Variants in NWD2 observed in about 807,000 individuals in gnomAD.
NWD2 encodes the protein NACHT and WD repeat domain-containing protein 2.
NWD2 carries 37 observed loss-of-function variants against 132.7 expected under a neutral mutation model. The observed-to-expected ratio is 0.28, with a 90% confidence interval of 0.21 to 0.37. NWD2 has a LOEUF of 0.37. Ranked by LOEUF, NWD2 falls within the 10% of genes least tolerant of loss-of-function variation. The pLI, the probability that NWD2 is intolerant of heterozygous loss-of-function variation, is 1.00. For missense variants in NWD2, 1,592 were observed against 2,122.4 expected, an observed-to-expected ratio of 0.75 and a Z score of 4.91; for synonymous variants, 705 against 803.0, an observed-to-expected ratio of 0.88 and a Z score of 2.06.
intron 6 of NWD2, among the ~76,000 whole-genome samples, chr4:37,440,817 A>G (rs758019723): frequency 1.3e-5 from 2 of 152,180 alleles, no homozygotes; most frequent in African/African-American, 2.4e-5. Context: ...AACTAGTTCC[A>G]TTATTTTTAA....
chr4:37,378,987 A>C (rs1720401304), intron 3 of NWD2, among the ~76,000 whole-genome samples: 1 of 152,212 alleles, frequency 6.6e-6, no homozygotes, highest in African/African-American at 2.4e-5. Flanking sequence ...ATTGCAGTTC[A>C]CATTTTGTAA....
chr4:37,264,224 A>G (rs1717704455), intron 1 of NWD2, among the ~76,000 whole-genome samples: 1 of 152,210 alleles, frequency 6.6e-6, no homozygotes, highest in Non-Finnish European at 1.5e-5. Context: ...CCTTTCTGAC[A>G]TAATAGAAGA....
chr4:37,417,974 C>G (rs1158340940), intron 3 of NWD2, among the ~76,000 whole-genome samples: 1 of 152,102 alleles, frequency 6.6e-6, no homozygotes, highest in Non-Finnish European at 1.5e-5. Flanking sequence ...TAATTATTTG[C>G]TCCGTCAATA....
chr4:37,305,486 TTTC>T (rs1718694058), intron 1 of NWD2, among the ~76,000 whole-genome samples: 1 of 152,238 alleles, frequency 6.6e-6, no homozygotes, highest in Non-Finnish European at 1.5e-5. Flanking sequence ...TAACTTCCAG[TTTC>T]AGAAAATCTC....
intron 1 of NWD2, among the ~76,000 whole-genome samples, chr4:37,267,372 T>A (rs1401659692): frequency 6.6e-6 from 1 of 151,900 alleles, no homozygotes; most frequent in Non-Finnish European, 1.5e-5. Context: ...GGTAGCAAGA[T>A]GAGAGAAGAG....
intron 1 of NWD2, among the ~76,000 whole-genome samples, chr4:37,248,271 A>G (rs1318860388): frequency 2.0e-5 from 3 of 152,228 alleles, no homozygotes; most frequent in African/African-American, 7.2e-5. Context: ...AACAGCTGGC[A>G]GGGAACATGG....
intron 1 of NWD2, among the ~76,000 whole-genome samples, chr4:37,308,306 T>C (rs1266846095): frequency 6.6e-6 from 1 of 152,192 alleles, no homozygotes; most frequent in Non-Finnish European, 1.5e-5. Flanking sequence ...TGCTTTGACT[T>C]TGGTTCTGGG....
intron 1 of NWD2, among the ~76,000 whole-genome samples, chr4:37,284,446 C>T (rs975178792): frequency 1.3e-5 from 2 of 152,164 alleles, no homozygotes; most frequent in African/African-American, 4.8e-5. Flanking sequence ...CATCCAGAGT[C>T]CAGAATATTC....
At chr4:37,247,666 G>A (rs1468294417) in intron 1 of NWD2, among the ~76,000 whole-genome samples, 1 of 151,926 alleles carries the variant, frequency 6.6e-6, no homozygotes, top group Admixed American at 6.6e-5. Flanking sequence ...CTGGAGTGCA[G>A]TGGCGCAATC....
At chr4:37,325,442 A>C (rs1261518487) in intron 1 of NWD2, among the ~76,000 whole-genome samples, 2 of 152,132 alleles carry the variant, frequency 1.3e-5, no homozygotes, top group African/African-American at 2.4e-5. Flanking sequence ...ACTGTGCCAA[A>C]TTTTGTAAAA....
At chr4:37,309,845 A>G (rs1008735867) in intron 1 of NWD2, among the ~76,000 whole-genome samples, 2 of 152,062 alleles carry the variant, frequency 1.3e-5, no homozygotes, top group Non-Finnish European at 2.9e-5. Context: ...ATATTCTCCC[A>G]TGTATTCTGT....
intron 1 of NWD2, among the ~76,000 whole-genome samples, chr4:37,246,193 G>A (rs186130386): frequency 3.2e-4 from 48 of 152,346 alleles, no homozygotes; most frequent in African/African-American, 1.1e-3. Context: ...CAAGCCTTGA[G>A]TCGAAAAGAG....
At chr4:37,406,868 C>A (rs1301359544) in intron 3 of NWD2, among the ~76,000 whole-genome samples, 1 of 152,076 alleles carries the variant, frequency 6.6e-6, no homozygotes, top group Non-Finnish European at 1.5e-5. Context: ...TGCACTCCAG[C>A]CTGAGCAACA....
At chr4:37,364,702 A>G (rs957060716) in intron 3 of NWD2, among the ~76,000 whole-genome samples, 3 of 149,360 alleles carry the variant, frequency 2.0e-5, no homozygotes, top group Non-Finnish European at 4.4e-5. Flanking sequence ...ACACACACAC[A>G]CACACACACA....
Position 37,394,805 on chromosome 4 carries a change from T to TTTTGTTTTGTTTTG in NWD2, c.358-35764_358-35763insGTTTTGTTTTGTTT, listed in dbSNP as rs1173119800. 3.5e-3 allele frequency among the ~76,000 whole-genome samples: 338 copies of TTTTGTTTTGTTTTG among 96,416 alleles called. 20 individuals are homozygous for TTTTGTTTTGTTTTG. Among genetic ancestry groups the TTTTGTTTTGTTTTG allele is most frequent in the South Asian group, 9.8e-3 (22 of 2,254 alleles). The allele number at this position is 96,416 out of a possible 152,430, so 63.3% of individuals were successfully genotyped here. ...TCTATAGTGAACCTTTATGGTTTTT[T>TTTTGTTTTGTTTTG]TTTTTTTTTTTTTTTTTTTTTTTGA... On this transcript the variant is annotated intron_variant, in intron 3 of 6. Transcript: ENST00000309447.
chr4:37,426,522 G>C (rs1712012795), intron 3 of NWD2, among the ~76,000 whole-genome samples: 1 of 152,214 alleles, frequency 6.6e-6, no homozygotes, highest in Non-Finnish European at 1.5e-5. Context: ...TACAGTATTT[G>C]GTGCCAGGTG....
intron 2 of NWD2, among the ~76,000 whole-genome samples, chr4:37,332,685 G>T (rs1719318646): frequency 6.6e-6 from 1 of 152,172 alleles, no homozygotes; most frequent in South Asian, 2.1e-4. Flanking sequence ...TATAGGGAGA[G>T]ATTCCTGCTT....
chr4:37,404,908 G>A (rs1205885594), intron 3 of NWD2, among the ~76,000 whole-genome samples: 1 of 152,140 alleles, frequency 6.6e-6, no homozygotes, highest in Non-Finnish European at 1.5e-5. Flanking sequence ...AGCACCAAAG[G>A]GGATGGTGTA....
At chr4:37,345,918 T>TA (rs1719625742) in intron 2 of NWD2, among the ~76,000 whole-genome samples, 2 of 151,978 alleles carry the variant, frequency 1.3e-5, no homozygotes, top group African/African-American at 4.8e-5. Context: ...CCGTCTCTAC[T>TA]AAAAATACAA....
Sources: allele counts gnomAD v4.1 joint callset (sites outside exome capture counted in the v4.1 genomes callset), GRCh38; gene constraint gnomAD v4.1.1; transcripts MANE v1.5; gene names NCBI Gene and HGNC (gene_info 2026-07-23, HGNC 2026-07-21).